Variants in MGAT1 observed in about 807,000 individuals in gnomAD.
The protein encoded by MGAT1 is N-glycosyl-oligosaccharide-glycoprotein N-acetylglucosaminyltransferase I.
Under a neutral mutation model 31.7 loss-of-function variants are expected in MGAT1, and 14 were observed. The observed-to-expected ratio is 0.44, with a 90% CI of 0.29 to 0.69. The LOEUF is 0.69. MGAT1 is among the 30% of genes least tolerant of loss of function. The probability of loss-of-function intolerance (pLI) is 0.12; values close to 1 mark genes in which losing one functional copy is unlikely to be tolerated. For missense variants in MGAT1, 557 were observed against 626.0 expected, an observed-to-expected ratio of 0.89 and a Z score of 1.18; for synonymous variants, 338 against 276.0, an observed-to-expected ratio of 1.22 and a Z score of -2.23.
At chr5:180,805,583 C>G (rs1771742349), upstream of MGAT1, among the ~76,000 whole-genome samples, 1 of 152,064 alleles carries the variant, frequency 6.6e-6, no homozygotes, top group African/African-American at 2.4e-5. Context: ...AACATCGTCT[C>G]TACTAAAAAT....
rs925514944 is a variant in MGAT1 at position 180,791,530 on chromosome 5, T to C, written c.*104A>G. 2.5e-5 allele frequency: 35 copies of C among 1,377,750 alleles called. No individual in the cohort carries two copies. Among genetic ancestry groups the C allele is most frequent in the African/African-American group, 2.3e-4 (16 of 68,688 alleles). 85.3% of individuals were successfully genotyped at this position (1,377,750 alleles called of 1,614,324 possible). On this transcript the variant is annotated 3_prime_UTR_variant, in exon 2 of 2. Coordinates refer to ENST00000307826, the MANE Select transcript of MGAT1 (RefSeq NM_002406.4). ...CACTCGGAAAAATCAAAAAGATAAA[T>C]GCACCTAAGAGGGAAACACAGGCAG...
Position 180,785,501 on chromosome 5 carries a change from G to C in MGAT1, c.*6133C>G, listed in dbSNP as rs926637567. ...GGTGGCCATGGGTGACGGTGGCCGTGGGCCACTCCCCAGAACCCTCCAGCA... is the reference window on the plus strand; with the variant it reads ...GGTGGCCATGGGTGACGGTGGCCGTCGGCCACTCCCCAGAACCCTCCAGCA... On this transcript the variant is annotated 3_prime_UTR_variant, in exon 2 of 2. Coordinates refer to ENST00000307826, the MANE Select transcript of MGAT1 (RefSeq NM_002406.4). 1 of 152,312 alleles carries C rather than the reference G, an allele frequency of 6.6e-6. No individual in the cohort carries two copies. Among genetic ancestry groups the C allele is most frequent in the African/African-American group, 2.4e-5 (1 of 41,446 alleles). The allele number at this position is 152,312 out of a possible 1,614,324, so 9.4% of individuals were successfully genotyped here.
rs1475699563 is a variant in MGAT1 at position 180,787,612 on chromosome 5, G to A, written c.*4022C>T. The A allele has an allele frequency of 6.6e-6, 1 of 152,262 alleles. No homozygotes were observed. Among genetic ancestry groups the A allele is most frequent in the Non-Finnish European group, 1.5e-5 (1 of 68,054 alleles). The allele number at this position is 152,262 out of a possible 1,614,324, so 9.4% of individuals were successfully genotyped here. A position where few individuals can be genotyped will look rare whatever the true frequency, so the allele number is the denominator to read the frequency against. On this transcript the variant is annotated 3_prime_UTR_variant, in exon 2 of 2. Transcript: ENST00000307826. ...AACACACGTTAAGGGAGCGTGTGCA[G>A]TATGTTGTATCTAAAATGAACATGT... is the stretch of plus-strand genomic sequence containing the variant.
chr5:180,799,085 G>C (rs1322861396), intron 1 of MGAT1, among the ~76,000 whole-genome samples: 1 of 152,068 alleles, frequency 6.6e-6, no homozygotes, highest in Non-Finnish European at 1.5e-5. Context: ...CTTCCCAACA[G>C]CAACAGCGCA....
chr5:180,798,467 G>A (rs1435173364), intron 1 of MGAT1, among the ~76,000 whole-genome samples: 2 of 152,166 alleles, frequency 1.3e-5, no homozygotes, highest in Non-Finnish European at 2.9e-5. Flanking sequence ...GCAACCACTT[G>A]CTCAACTTCT....
chr5:180,808,791 T>G (rs866827906), exon 2 of MGAT1: 2 of 152,330 alleles, frequency 1.3e-5, no homozygotes, highest in African/African-American at 4.8e-5. Flanking sequence ...ATGGCTGAGC[T>G]GACCCTGACG....
chr5:180,806,443 C>T (rs1276422028), upstream of MGAT1, among the ~76,000 whole-genome samples: 2 of 152,160 alleles, frequency 1.3e-5, no homozygotes, highest in Non-Finnish European at 2.9e-5. Context: ...AGGTGCAGGG[C>T]AGGAGGGTGG....
intron 1 of MGAT1, among the ~76,000 whole-genome samples, chr5:180,801,862 G>A (rs1770841640): frequency 6.6e-6 from 1 of 152,218 alleles, no homozygotes; most frequent in African/African-American, 2.4e-5. Context: ...TTCTAACAGT[G>A]AGAATGAGAC....
chr5:180,797,716 C>T (rs1769776992), intron 1 of MGAT1, among the ~76,000 whole-genome samples: 1 of 122,274 alleles, frequency 8.2e-6, no homozygotes. Flanking sequence ...AAAAGCTGCC[C>T]CGGCCAAGCC....
intron 1 of MGAT1, among the ~76,000 whole-genome samples, chr5:180,799,954 G>T (rs1770372031): frequency 6.6e-6 from 1 of 152,122 alleles, no homozygotes; most frequent in Admixed American, 6.5e-5. Flanking sequence ...CCCAGCTAAG[G>T]TCCCAGCTGA....
At position 180,792,836 on chromosome 5, in the gene MGAT1, C is replaced by T. The variant is rs573360169; in HGVS notation, c.136G>A (p.Asp46Asn). 1.8e-5 allele frequency: 28 copies of T among 1,561,052 alleles called. No individual in the cohort carries two copies. In the Middle Eastern group the frequency reaches 5.3e-4, roughly 30 times the overall value. Reference protein sequence around the residue: ...RPPSVSALDGDPASLTREVIR... With the variant: ...RPPSVSALDGNPASLTREVIR... ...ACTTCCCGGGTGAGGCTGGCGGGGT[C>T]GCCATCGAGAGCGCTGACTGAGGGT... The change falls in exon 2 of 2, where the codon GAC becomes AAC. Residue 46 changes from aspartate to asparagine, a missense_variant. By Grantham distance (23) the Asp-to-Asn change is conservative (BLOSUM62 1). Around this residue, in one of 3 missense-constraint regions of MGAT1, gnomAD observed 167 missense variants for 149.8 expected, o/e 1.11. Coordinates refer to ENST00000307826, the MANE Select transcript of MGAT1 (RefSeq NM_002406.4).
At chr5:180,813,069 C>G (rs1201587407) in intron 1 of MGAT1, among the ~76,000 whole-genome samples, 2 of 150,584 alleles carry the variant, frequency 1.3e-5, no homozygotes, top group African/African-American at 4.9e-5. Flanking sequence ...TTACTTGTAG[C>G]TAAATCTGTG....
intron 1 of MGAT1, chr5:180,810,314 G>C (rs1772423546): frequency 6.6e-6 from 1 of 152,400 alleles, no homozygotes; most frequent in Non-Finnish European, 1.5e-5. Flanking sequence ...ACGGGAGCGA[G>C]GGAGGTGGGT....
At chr5:180,795,932 C>T (rs1242647370) in intron 1 of MGAT1, 1 of 117,522 alleles carries the variant, frequency 8.5e-6, no homozygotes, top group Non-Finnish European at 1.8e-5. Flanking sequence ...CACCAATCCT[C>T]CAAGCTCTAC....
chr5:180,794,411 T>TTTTTTATATATATATA (rs528893463), intron 1 of MGAT1, among the ~76,000 whole-genome samples: 153 of 142,034 alleles, frequency 1.1e-3, no homozygotes, highest in Admixed American at 2.9e-3. Flanking sequence ...TTTTTTTTTA[T>TTTTTTATATATATATA]TATATATATA....
Position 180,791,551 on chromosome 5 carries a change from G to T in MGAT1, c.*83C>A. 6.7e-7 allele frequency: 1 copy of T among 1,494,398 alleles called. No homozygotes were observed. Among genetic ancestry groups the T allele is most frequent in the Non-Finnish European group, 9.0e-7 (1 of 1,106,356 alleles). 92.6% of individuals were successfully genotyped at this position (1,494,398 alleles called of 1,614,324 possible). A position where few individuals can be genotyped will look rare whatever the true frequency, so the allele number is the denominator to read the frequency against. The stretch of plus-strand genomic sequence containing the variant: ...TAAATGCACCTAAGAGGGAAACACA[G>T]GCAGGCCGATGCAGCCTGGGGACTG... On this transcript the variant is annotated 3_prime_UTR_variant, in exon 2 of 2. Coordinates refer to ENST00000307826, the MANE Select transcript of MGAT1 (RefSeq NM_002406.4).
In MGAT1 at chr5:180,785,089, GA is replaced by G. The variant is rs1446065363; in HGVS notation, c.*6544del. On this transcript the variant is annotated 3_prime_UTR_variant, in exon 2 of 2. Transcript: ENST00000307826. The stretch of plus-strand genomic sequence containing the variant: ...TAAAATTGAAAAAAAGTTTTGGAAG[GA>G]AAAAATATTCCCATCCTTTAATTCA... The G allele has an allele frequency of 6.6e-6, 1 of 152,098 alleles. No homozygotes were observed. Among genetic ancestry groups the G allele is most frequent in the Non-Finnish European group, 1.5e-5 (1 of 68,018 alleles). The allele number at this position is 152,098 out of a possible 1,614,324, so 9.4% of individuals were successfully genotyped here. A position where few individuals can be genotyped will look rare whatever the true frequency, so the allele number is the denominator to read the frequency against.
At chr5:180,794,136 T>C (rs528717364) in intron 1 of MGAT1, among the ~76,000 whole-genome samples, 1 of 151,044 alleles carries the variant, frequency 6.6e-6, no homozygotes, top group South Asian at 2.1e-4. Flanking sequence ...CCCAGCACTT[T>C]GGGAGGCCAA....
chr5:180,806,263 C>A (rs1422498757), upstream of MGAT1, among the ~76,000 whole-genome samples: 1 of 151,958 alleles, frequency 6.6e-6, no homozygotes, highest in Non-Finnish European at 1.5e-5. Context: ...TCCAGCCTGG[C>A]GACAGAGCAA....
Sources: allele counts gnomAD v4.1 joint callset (sites outside exome capture counted in the v4.1 genomes callset), GRCh38; gene constraint gnomAD v4.1.1; regional missense constraint gnomAD v4.1.1; transcripts MANE v1.5; gene names NCBI Gene and HGNC (gene_info 2026-07-23, HGNC 2026-07-21).